FBLN5: variants seen among roughly 807,000 people sequenced by gnomAD.
FBLN5 encodes fibulin-5.
FBLN5 carries 24 observed loss-of-function variants against 61.6 expected under a neutral mutation model. The observed-to-expected ratio is 0.39, with a 90% CI of 0.28 to 0.55. The LOEUF is 0.55. Among genes scored for constraint, FBLN5 ranks in the 20% least tolerant of loss-of-function variants. The probability of loss-of-function intolerance (pLI) is 0.65; values close to 1 mark genes in which losing one functional copy is unlikely to be tolerated. For synonymous variants in FBLN5, 213 were observed against 219.8 expected (o/e 0.97, Z 0.27); for missense variants, 470 against 594.1 (o/e 0.79, Z 2.17).
At chr14:91,884,964 T>G (rs1889658928) in intron 7 of FBLN5, among the ~76,000 whole-genome samples, 2 of 152,140 alleles carry the variant, frequency 1.3e-5, no homozygotes, top group Non-Finnish European at 2.9e-5. Flanking sequence ...CTCCTCCACA[T>G]GAGAACCCAC....
chr14:91,871,865 A>AG (rs1057100764), intron 10 of FBLN5, among the ~76,000 whole-genome samples: 11 of 152,014 alleles, frequency 7.2e-5, no homozygotes, highest in Non-Finnish European at 1.6e-4. Flanking sequence ...AAAAAAAAAA[A>AG]AAAAATTCTC....
At chr14:91,884,161 T>C (rs1407381550) in intron 7 of FBLN5, among the ~76,000 whole-genome samples, 4 of 152,178 alleles carry the variant, frequency 2.6e-5, no homozygotes, top group Non-Finnish European at 5.9e-5. Flanking sequence ...TTCCGGGTGT[T>C]ACACGCCTTG....
intron 4 of FBLN5, among the ~76,000 whole-genome samples, chr14:91,908,995 G>A (rs1380212385): frequency 4.6e-5 from 7 of 152,040 alleles, no homozygotes; most frequent in South Asian, 2.1e-4. Context: ...TCGGCTCACC[G>A]CAAGCTTCAC....
chr14:91,925,314 G>A (rs537243135), intron 4 of FBLN5, among the ~76,000 whole-genome samples: 14 of 152,266 alleles, frequency 9.2e-5, no homozygotes, highest in South Asian at 8.3e-4. Flanking sequence ...GCCCGGCTCC[G>A]ACAAGCTGGA....
intron 4 of FBLN5, among the ~76,000 whole-genome samples, chr14:91,926,562 G>T (rs915991751): frequency 6.6e-6 from 1 of 152,164 alleles, no homozygotes; most frequent in African/African-American, 2.4e-5. Flanking sequence ...GGAGACAGAG[G>T]GGGTGAAGTG....
At chr14:91,903,342 C>T (rs1310223650) in intron 4 of FBLN5, among the ~76,000 whole-genome samples, 2 of 152,144 alleles carry the variant, frequency 1.3e-5, no homozygotes, top group Non-Finnish European at 2.9e-5. Context: ...AGAAGGTTCT[C>T]CTCCCTTGAT....
chr14:91,878,889 A>G (rs1889292769), intron 9 of FBLN5, among the ~76,000 whole-genome samples: 1 of 152,196 alleles, frequency 6.6e-6, no homozygotes, highest in Non-Finnish European at 1.5e-5. Flanking sequence ...GGATGACTTG[A>G]GTCCAGGAGT....
intron 7 of FBLN5, among the ~76,000 whole-genome samples, chr14:91,885,552 C>A (rs1236356848): frequency 1.3e-5 from 2 of 152,124 alleles, no homozygotes; most frequent in East Asian, 3.9e-4. Context: ...CTGGGCCACC[C>A]TCTGGGCCGT....
intron 4 of FBLN5, among the ~76,000 whole-genome samples, chr14:91,918,283 G>A (rs1335082133): frequency 5.9e-5 from 9 of 152,208 alleles, no homozygotes. Flanking sequence ...TGCATAGTCA[G>A]GCTTTCTGGA....
At chr14:91,870,490 C>A in intron 10 of FBLN5, 105 bp from the exon 11 acceptor site, 1 of 1,099,190 alleles carries the variant, frequency 9.1e-7, no homozygotes, top group South Asian at 1.3e-5. Flanking sequence ...GGCACCCCCT[C>A]GGTGCCTCAA....
chr14:91,882,570 A>G lies in FBLN5; in HGVS notation c.862+384T>C, dbSNP rs2430348. On this transcript the variant is annotated intron_variant, in intron 8 of 10. Transcript: ENST00000342058. This position sits in a 1 kb window ranked among gnomAD's most constrained non-coding sequence, Gnocchi z 4.9. Reference sequence around the variant, plus strand: ...AGAAAGGCTAACCAAACTGCCCTCCAGGCCACGTAAGAAAGCCCGGGCTCT... The same window carrying G: ...AGAAAGGCTAACCAAACTGCCCTCCGGGCCACGTAAGAAAGCCCGGGCTCT... Among the ~76,000 whole-genome samples, 102,861 of 152,190 alleles carry G rather than the reference A, an allele frequency of 0.68. 35,219 individuals carry two copies. Among genetic ancestry groups the G allele is most frequent in the Admixed American group, 0.78 (11,970 of 15,298 alleles).
At position 91,947,640 on chromosome 14, in the gene FBLN5, T is replaced by C. The variant is rs143296045; in HGVS notation, c.-411A>G. 425 of 191,166 alleles carry C rather than the reference T, an allele frequency of 2.2e-3. 2 individuals carry two copies. Among genetic ancestry groups the C allele is most frequent in the Non-Finnish European group, 2.8e-3 (260 of 92,132 alleles). The allele number at this position is 191,166 out of a possible 1,614,324, so 11.8% of individuals were successfully genotyped here. A position where few individuals can be genotyped will look rare whatever the true frequency, so the allele number is the denominator to read the frequency against. On this transcript the variant is annotated 5_prime_UTR_variant, in exon 1 of 11. Transcript: ENST00000342058. This position sits in a 1 kb window ranked among gnomAD's most constrained non-coding sequence, Gnocchi z 4.3. ...TCTGCCAGGGCCCAGTGCTCGGCGC[T>C]GGGAGGAGAGCCCTTCCCCGGCCGC...
chr14:91,918,684 GT>G (rs2055671667), intron 4 of FBLN5, among the ~76,000 whole-genome samples: 1 of 152,162 alleles, frequency 6.6e-6, no homozygotes, highest in Non-Finnish European at 1.5e-5. Context: ...TGCTGTTGCT[GT>G]TTTCTAACAA....
intron 4 of FBLN5, among the ~76,000 whole-genome samples, chr14:91,905,581 CT>C (rs34047802): frequency 0.76 from 101,855 of 134,586 alleles, 38,551 homozygotes; most frequent in East Asian, 0.83. Flanking sequence ...AGAATATGAG[CT>C]TTTTTTTTTT....
intron 4 of FBLN5, among the ~76,000 whole-genome samples, chr14:91,914,060 G>A (rs934785408): frequency 1.3e-5 from 2 of 152,170 alleles, no homozygotes; most frequent in East Asian, 1.9e-4. Context: ...ATTAGAAAAG[G>A]GGCCATGCAC....
At position 91,947,199 on chromosome 14, in the gene FBLN5, C is replaced by G. The variant is rs758239125; in HGVS notation, c.17+14G>C. On this transcript the variant is annotated intron_variant, in intron 1 of 10. Coordinates refer to ENST00000342058, the MANE Select transcript of FBLN5 (RefSeq NM_006329.4). The surrounding 1 kb of genome is among the most constrained non-coding windows in gnomAD (Gnocchi z 4.3). ...AGACCCTGGAGAAAGAAAAGTCCAG[C>G]GCCGAGAACCCACCTTTTTATTCCT... 1.9e-6 allele frequency: 3 copies of G among 1,614,190 alleles called. No homozygotes were observed. Among genetic ancestry groups the G allele is most frequent in the Non-Finnish European group, 2.5e-6 (3 of 1,180,012 alleles).
At chr14:91,908,350 C>T (rs1362492743) in intron 4 of FBLN5, among the ~76,000 whole-genome samples, 1 of 152,176 alleles carries the variant, frequency 6.6e-6, no homozygotes, top group Non-Finnish European at 1.5e-5. Flanking sequence ...CTTCATCCTT[C>T]ACCCCTTCTT....
At chr14:91,891,529 C>A (rs985102563) in intron 5 of FBLN5, among the ~76,000 whole-genome samples, 192 bp from the exon 6 acceptor site, 1 of 152,186 alleles carries the variant, frequency 6.6e-6, no homozygotes, top group African/African-American at 2.4e-5. Context: ...AATCTCCCCA[C>A]AATCTTTCCC....
At chr14:91,935,858 TCTGTCTTTCTC>T (rs2056006104) in intron 4 of FBLN5, among the ~76,000 whole-genome samples, 1 of 152,186 alleles carries the variant, frequency 6.6e-6, no homozygotes, top group Non-Finnish European at 1.5e-5. Flanking sequence ...ATTAACCAGC[TCTGTCTTTCTC>T]ACTCTTTCTC....
Sources: gnomAD v4.1 joint callset for allele counts (sites outside exome capture counted in the v4.1 genomes callset) on GRCh38, gnomAD v4.1.1 for gene constraint, Gnocchi (gnomAD v3.1) non-coding constraint, MANE v1.5 for transcripts, NCBI Gene and HGNC (gene_info 2026-07-23, HGNC 2026-07-21) for gene names.